The following EFL1 variants were observed in gnomAD, a reference collection of about 807,000 sequenced individuals.
The protein encoded by EFL1 is elongation factor-like GTPase 1.
In EFL1, 76 loss-of-function variants were observed where a neutral mutation model predicts 126.7. The ratio of observed to expected loss-of-function variants is 0.60; its 90% CI spans 0.50 to 0.73. EFL1 has a LOEUF of 0.73. Among genes scored for constraint, EFL1 ranks in the 30% least tolerant of loss-of-function variants. The pLI is 0.00. For missense variants in EFL1, 1,128 were observed against 1,343.2 expected (o/e 0.84, Z 2.50); for synonymous variants, 410 against 448.4 (o/e 0.91, Z 1.08).
intron 18 of EFL1, among the ~76,000 whole-genome samples, chr15:82,146,516 G>C (rs1398828625): frequency 1.3e-5 from 2 of 150,022 alleles, no homozygotes; most frequent in Non-Finnish European, 3.0e-5. Flanking sequence ...CTAGAAATTG[G>C]TTATCAATAT....
rs1041838157 is a variant in EFL1 at position 82,231,055 on chromosome 15, T to A, written c.732-84A>T. 26 of 1,477,966 alleles carry A rather than the reference T, an allele frequency of 1.8e-5. No individual in the cohort carries two copies. In the African/African-American group the frequency reaches 3.7e-4, roughly 21 times the overall value. 91.6% of individuals were successfully genotyped at this position (1,477,966 alleles called of 1,614,324 possible). ...GGTACTGTTCAAACTTCTTTACACG[T>A]GTATTACTAAACTTAATCCAGTATC... On this transcript the variant is annotated intron_variant, in intron 7 of 19. Transcript: ENST00000268206.
Position 82,219,787 on chromosome 15 carries a change from A to G in EFL1, c.1476T>C (p.Pro492=), listed in dbSNP as rs576437556. The G allele has an allele frequency of 9.3e-6, 15 of 1,613,318 alleles. No individual in the cohort carries two copies. Among genetic ancestry groups the G allele is most frequent in the African/African-American group, 6.7e-5 (5 of 74,986 alleles). ...GDEQQVESMT[P]KPVLQEENNQ... ...TGTTTTCTTCCTGGAGCACAGGTTT[A>G]GGGGTCATACTTTCCACCTGTTGCT... The change falls in exon 14 of 20, where the codon CCT becomes CCC. Residue 492 remains proline, a synonymous_variant. Transcript: ENST00000268206.
chr15:82,168,018 G>A (rs577787065), intron 15 of EFL1, among the ~76,000 whole-genome samples: 3 of 152,190 alleles, frequency 2.0e-5, no homozygotes, highest in African/African-American at 7.2e-5. Flanking sequence ...TCATGCCTGT[G>A]AGAGAACATC....
chr15:82,140,051 A>G (rs1434511209), intron 18 of EFL1, among the ~76,000 whole-genome samples: 1 of 152,226 alleles, frequency 6.6e-6, no homozygotes, highest in African/African-American at 2.4e-5. Context: ...GCCTCAAGGA[A>G]AAAACCTAAA....
In EFL1 at chr15:82,240,513, G is replaced by T. The variant is rs777195208; in HGVS notation, c.421C>A (p.Pro141Thr). The change falls in exon 6 of 20, where the codon CCG (proline) becomes ACG (threonine). Residue 141 changes from proline to threonine, a missense_variant. Pro to Thr is a conservative substitution (Grantham distance 38). This residue lies in a region of EFL1 where 118 missense variants were observed against 188.1 expected (regional missense o/e 0.63). Transcript: ENST00000268206. Reference sequence around the variant, plus strand: ...TCAATCTTATTAATCACTAAAACCGGACGGATGTTTTCAAGCCAAGCTTGT... The same window carrying T: ...TCAATCTTATTAATCACTAAAACCGTACGGATGTTTTCAAGCCAAGCTTGT... ...LRQAWLENIRPVLVINKIDRL... is the reference protein window; with the variant it reads ...LRQAWLENIRTVLVINKIDRL... The T allele has an allele frequency of 2.0e-5, 33 of 1,613,974 alleles. 1 individual carries two copies. In the African/African-American group the frequency reaches 3.5e-4, roughly 17 times the overall value.
chr15:82,180,412 C>T (rs1208429944), intron 15 of EFL1, among the ~76,000 whole-genome samples: 1 of 147,948 alleles, frequency 6.8e-6, no homozygotes, highest in Non-Finnish European at 1.5e-5. Flanking sequence ...CAACCACCAC[C>T]ACAATAAAAT....
At chr15:82,227,199 G>A (rs918422483) in intron 11 of EFL1, among the ~76,000 whole-genome samples, 8 of 152,160 alleles carry the variant, frequency 5.3e-5, no homozygotes, top group African/African-American at 1.7e-4. Context: ...CTTTTCTCAC[G>A]AGGAGCATGT....
chr15:82,133,984 C>T lies in EFL1; in HGVS notation c.3175-3423G>A, dbSNP rs187469712. On this transcript the variant is annotated intron_variant, in intron 19 of 19. Transcript: ENST00000268206. ...GTGGTGTGAGGGTCAACTGCACTGG[C>T]TCTGGAGCCAGGCAGTCTCCCTTCA... 2.0e-5 allele frequency among the ~76,000 whole-genome samples: 3 copies of T among 152,342 alleles called. No homozygotes were observed. The East Asian group carries it at 5.8e-4, about 29-fold the overall frequency.
chr15:82,149,214 C>T (rs981114662), intron 18 of EFL1, among the ~76,000 whole-genome samples: 1 of 151,562 alleles, frequency 6.6e-6, no homozygotes, highest in Non-Finnish European at 1.5e-5. Context: ...TGTTATATAA[C>T]TTAAGAAAAA....
intron 14 of EFL1, among the ~76,000 whole-genome samples, chr15:82,217,373 G>GAAA: frequency 0.058 from 1,553 of 26,922 alleles, 144 homozygotes; most frequent in Non-Finnish European, 0.076. Flanking sequence ...GATTAGATTT[G>GAAA]AAAAAAAAAA....
chr15:82,193,613 T>C (rs2074380986), intron 15 of EFL1, among the ~76,000 whole-genome samples: 1 of 152,300 alleles, frequency 6.6e-6, no homozygotes, highest in Admixed American at 6.5e-5. Flanking sequence ...TGACTCATTT[T>C]GTCAGGCACT....
chr15:82,255,248 T>C (rs1287937321), intron 3 of EFL1, among the ~76,000 whole-genome samples: 1 of 152,242 alleles, frequency 6.6e-6, no homozygotes, highest in African/African-American at 2.4e-5. Context: ...TATCCTATTA[T>C]TAATGGGATT....
intron 2 of EFL1, among the ~76,000 whole-genome samples, chr15:82,261,109 G>A (rs911347634): frequency 6.6e-6 from 1 of 151,940 alleles, no homozygotes; most frequent in Non-Finnish European, 1.5e-5. Context: ...TTGTCATCTT[G>A]AGCCCCCTTC....
At chr15:82,232,441 A>G (rs1470449566) in intron 7 of EFL1, among the ~76,000 whole-genome samples, 1 of 152,148 alleles carries the variant, frequency 6.6e-6, no homozygotes, top group Non-Finnish European at 1.5e-5. Context: ...TTCTATTCAT[A>G]TGGTTCATGT....
chr15:82,161,616 T>G (rs182411895), intron 16 of EFL1, among the ~76,000 whole-genome samples: 1 of 152,314 alleles, frequency 6.6e-6, no homozygotes, highest in East Asian at 1.9e-4. Context: ...ATAGCAATAC[T>G]CCTTTTAAAA....
Position 82,225,200 on chromosome 15 carries a change from T to G in EFL1, c.1257A>C (p.Ala419=), listed in dbSNP as rs532188926. The change falls in exon 12 of 20, where the codon GCA becomes GCC. Residue 419 remains alanine (A), a synonymous_variant. Transcript: ENST00000268206. The part of the protein sequence containing the change: ...PVIIFVSKMF[A]VDAKALPQNK... ...TCTGAGGCAAGGCCTTAGCATCAAC[T>G]GCAAACATTTTGGAAACAAATATAA... 5 of 1,612,228 alleles carry G rather than the reference T, an allele frequency of 3.1e-6. No individual in the cohort carries two copies. The South Asian group carries it at 5.5e-5, about 18-fold the overall frequency.
intron 17 of EFL1, among the ~76,000 whole-genome samples, chr15:82,153,866 A>C (rs1383295437): frequency 6.6e-6 from 1 of 152,214 alleles, no homozygotes; most frequent in Non-Finnish European, 1.5e-5. Context: ...GATTTTAAGA[A>C]AAAAGCCACT....
Position 82,151,734 on chromosome 15 carries a change from G to A in EFL1, c.2720C>T (p.Ala907Val). 1 of 1,614,092 alleles carries A rather than the reference G, an allele frequency of 6.2e-7. No homozygotes were observed. Among genetic ancestry groups the A allele is most frequent in the Non-Finnish European group, 8.5e-7 (1 of 1,180,024 alleles). Residue 907 changes from alanine (A) to valine (V), a missense_variant, in exon 18 of 20, where the codon GCA (alanine) becomes GTA (valine). Ala to Val is a moderately conservative substitution (Grantham distance 64). Transcript: ENST00000268206. ...WDLSKFEEQG[A>V]SDLAKEGQEE... is the part of the protein sequence containing the mutation. The stretch of plus-strand genomic sequence containing the variant: ...CTGTCCCTCTTTTGCCAGATCACTT[G>A]CTCCTTGTTCCTCAAATTTACTTAG...
At chr15:82,131,635 A>G (rs1365917392) in intron 19 of EFL1, among the ~76,000 whole-genome samples, 1 of 150,448 alleles carries the variant, frequency 6.6e-6, no homozygotes, top group Non-Finnish European at 1.5e-5. Context: ...TACTAAAAAT[A>G]CAAAAAATTA....
Sources: allele counts gnomAD v4.1 joint callset (sites outside exome capture counted in the v4.1 genomes callset), GRCh38; gene constraint gnomAD v4.1.1; regional missense constraint gnomAD v4.1.1; transcripts MANE v1.5; gene names NCBI Gene and HGNC (gene_info 2026-07-23, HGNC 2026-07-21).